Variants in CDS1 observed in about 807,000 individuals in gnomAD.
CDS1 encodes the protein CDP-diacylglycerol synthase 1.
A neutral mutation model predicts 62.1 loss-of-function variants in CDS1; 41 were observed. The ratio of observed to expected loss-of-function variants is 0.66; its 90% CI spans 0.51 to 0.86. The LOEUF (loss-of-function observed/expected upper bound fraction) is 0.86, where lower values mean the gene tolerates loss of function less well. CDS1 is among the 40% of genes least tolerant of loss of function. CDS1 has a pLI of 0.00. For missense variants in CDS1, 470 were observed against 550.1 expected (o/e 0.85, Z 1.46); for synonymous variants, 185 against 192.6 (o/e 0.96, Z 0.32).
intron 1 of CDS1, among the ~76,000 whole-genome samples, chr4:84,593,804 A>G (rs376815242): frequency 4.8e-4 from 73 of 152,288 alleles, no homozygotes; most frequent in African/African-American, 1.7e-3. Context: ...GTGCTGGCCT[A>G]CAAGTGGGTT....
intron 3 of CDS1, among the ~76,000 whole-genome samples, chr4:84,613,006 A>AAAG (rs1723373636): frequency 6.7e-6 from 1 of 148,300 alleles, no homozygotes. Flanking sequence ...AAAAAAAAAA[A>AAAG]AGAATATTAA....
chr4:84,616,621 C>G (rs1723502575), intron 3 of CDS1, among the ~76,000 whole-genome samples: 1 of 152,136 alleles, frequency 6.6e-6, no homozygotes, highest in South Asian at 2.1e-4. Context: ...AGTATAAAAA[C>G]AAGCCCTTGG....
At chr4:84,599,257 A>AC (rs1034418018) in intron 1 of CDS1, among the ~76,000 whole-genome samples, 1 of 151,726 alleles carries the variant, frequency 6.6e-6, no homozygotes, top group Non-Finnish European at 1.5e-5. Context: ...CACCCTAATT[A>AC]CCTAATTGAC....
At chr4:84,610,039 C>T (rs1457128910) in intron 3 of CDS1, among the ~76,000 whole-genome samples, 3 of 151,990 alleles carry the variant, frequency 2.0e-5, no homozygotes, top group Admixed American at 2.0e-4. Context: ...GAAATACACA[C>T]ACATATAACA....
intron 1 of CDS1, among the ~76,000 whole-genome samples, chr4:84,595,378 T>G (rs1722718434): frequency 6.6e-6 from 1 of 152,198 alleles, no homozygotes; most frequent in Admixed American, 6.5e-5. Flanking sequence ...GGGCTTGGGC[T>G]TTTATTTTTA....
chr4:84,645,733 T>C (rs1218485965), intron 12 of CDS1, among the ~76,000 whole-genome samples: 1 of 152,200 alleles, frequency 6.6e-6, no homozygotes, highest in African/African-American at 2.4e-5. Context: ...GGGACAAATA[T>C]GGCAGAGAAC....
intron 5 of CDS1, among the ~76,000 whole-genome samples, chr4:84,622,721 G>A (rs979542180): frequency 1.3e-5 from 2 of 152,144 alleles, no homozygotes; most frequent in South Asian, 2.1e-4. Context: ...CAGCAACCCT[G>A]CACCCCACCG....
At chr4:84,636,610 C>T (rs1023094781) in intron 8 of CDS1, among the ~76,000 whole-genome samples, 3 of 152,132 alleles carry the variant, frequency 2.0e-5, no homozygotes, top group Admixed American at 6.5e-5. Flanking sequence ...CTGCAACCTC[C>T]GCCTCCTGGG....
chr4:84,615,645 T>C (rs1214083215), intron 3 of CDS1, among the ~76,000 whole-genome samples: 2 of 152,052 alleles, frequency 1.3e-5, no homozygotes, highest in African/African-American at 2.4e-5. Context: ...TTCACATGGG[T>C]TGTAGTCGTG....
At chr4:84,602,184 A>T (rs1448990880) in intron 1 of CDS1, among the ~76,000 whole-genome samples, 1 of 152,174 alleles carries the variant, frequency 6.6e-6, no homozygotes, top group African/African-American at 2.4e-5. Flanking sequence ...AAATGCCACT[A>T]TTTAGAAATT....
intron 8 of CDS1, among the ~76,000 whole-genome samples, chr4:84,635,696 T>TTCCCTCCCTCCCTCCCTCCCTCCCTCCC (rs1378774842): frequency 3.4e-5 from 2 of 58,408 alleles, no homozygotes; most frequent in East Asian, 4.5e-4. Context: ...CCTTCCCTCC[T>TTCCCTCCCTCCCTCCCTCCCTCCCTCCC]TCCCTCCCTC....
intron 3 of CDS1, among the ~76,000 whole-genome samples, chr4:84,612,394 C>T (rs972066683): frequency 5.3e-5 from 8 of 152,024 alleles, no homozygotes; most frequent in Non-Finnish European, 1.0e-4. Flanking sequence ...ACAGTGACTT[C>T]GGCAGGTTTG....
intron 5 of CDS1, among the ~76,000 whole-genome samples, chr4:84,625,715 T>G (rs1723836841): frequency 6.6e-6 from 1 of 151,686 alleles, no homozygotes. Flanking sequence ...CATTGGAGGA[T>G]TTTAAGCTAA....
chr4:84,638,137 C>A (rs1008705447), intron 8 of CDS1, among the ~76,000 whole-genome samples: 14 of 152,166 alleles, frequency 9.2e-5, no homozygotes, highest in Non-Finnish European at 1.3e-4. Context: ...CTTTATCTCC[C>A]CTGAGCAACA....
intron 1 of CDS1, among the ~76,000 whole-genome samples, chr4:84,591,649 A>G (rs1460683498): frequency 6.6e-6 from 1 of 152,224 alleles, no homozygotes. Flanking sequence ...GTCTTTTAAC[A>G]ATTATATAGG....
intron 10 of CDS1, 111 bp from the exon 11 acceptor site, chr4:84,642,913 T>G: frequency 9.7e-7 from 1 of 1,027,200 alleles, no homozygotes; most frequent in South Asian, 2.0e-5. Flanking sequence ...AACAAAAATG[T>G]GGTGCGTGCT....
At chr4:84,604,161 A>G (rs1723019721) in intron 1 of CDS1, 82 bp from the exon 2 acceptor site, 17 of 1,156,098 alleles carry the variant, frequency 1.5e-5, no homozygotes, top group Non-Finnish European at 1.7e-5. Context: ...GATTTGACAC[A>G]CTGAGCAATA....
Position 84,649,489 on chromosome 4 carries a change from C to T in CDS1, c.*803C>T, listed in dbSNP as rs139322429. 1.3e-5 allele frequency: 2 copies of T among 152,952 alleles called. No individual in the cohort carries two copies. Among genetic ancestry groups the T allele is most frequent in the Admixed American group, 1.3e-4 (2 of 15,318 alleles). 9.5% of individuals were successfully genotyped at this position (152,952 alleles called of 1,614,324 possible). A position where few individuals can be genotyped will look rare whatever the true frequency, so the allele number is the denominator to read the frequency against. ...TCAGGAGGCAGCTTCAAACGGTGAC[C>T]TGTGGCCTGGGCCATCTCTTCGTCA... On this transcript the variant is annotated 3_prime_UTR_variant, in exon 13 of 13. Transcript: ENST00000295887.
chr4:84,604,167 C>T (rs1723020003), intron 1 of CDS1, 76 bp from the exon 2 acceptor site: 2 of 1,216,766 alleles, frequency 1.6e-6, no homozygotes. Context: ...ACACACTGAG[C>T]AATAAATGAA....
Sources: gnomAD v4.1 joint callset for allele counts (sites outside exome capture counted in the v4.1 genomes callset) on GRCh38, gnomAD v4.1.1 for gene constraint, MANE v1.5 for transcripts, NCBI Gene and HGNC (gene_info 2026-07-23, HGNC 2026-07-21) for gene names.